The following NUMA1 variants were observed in gnomAD, a reference collection of about 807,000 sequenced individuals.
NUMA1 encodes the protein nuclear mitotic apparatus protein 1.
A neutral mutation model predicts 237.1 loss-of-function variants in NUMA1; 62 were observed. That is an observed-to-expected ratio of 0.26 (90% CI 0.21 to 0.32). NUMA1 has a LOEUF of 0.32. Among genes scored for constraint, NUMA1 ranks in the 10% least tolerant of loss-of-function variants. NUMA1 has a pLI of 1.00. For synonymous variants in NUMA1, 1,028 were observed against 1,066.1 expected (o/e 0.96, Z 0.70); for missense variants, 2,533 against 2,666.5 (o/e 0.95, Z 1.10).
rs1955395971 is a variant in NUMA1, at chr11:72,003,413, T to A, written c.*114A>T. On this transcript the variant is annotated 3_prime_UTR_variant, in exon 27 of 27. Coordinates refer to ENST00000393695, the MANE Select transcript of NUMA1 (RefSeq NM_006185.4). ...GGCAGGCATCACTGTCTCTAGGGGT[T>A]TGGCTACTGTTGGCCTGGGAGCTGA... is the stretch of plus-strand genomic sequence containing the variant. The A allele has an allele frequency of 2.0e-6, 2 of 1,025,166 alleles. No homozygotes were observed. The highest frequency in any genetic ancestry group is 3.1e-5 in the African/African-American group (2 of 64,050). 63.5% of individuals were successfully genotyped at this position (1,025,166 alleles called of 1,614,324 possible).
At position 72,014,157 on chromosome 11, in the gene NUMA1, C is replaced by G. The variant is rs747372810; in HGVS notation, c.3346G>C (p.Glu1116Gln). 3.1e-6 allele frequency: 5 copies of G among 1,613,490 alleles called. No homozygotes were observed. The highest frequency in any genetic ancestry group is 3.3e-5 in the Admixed American group (2 of 60,038). ...GAQSEAAGRT[E>Q]PTGPKLEALR... ...GCCTCCAGCTTGGGGCCTGTTGGCT[C>G]TGTCCTGCCAGCAGCCTCAGATTGG... The change falls in exon 15 of 27, where the codon GAG becomes CAG. Residue 1116 changes from glutamate to glutamine, a missense_variant. Around this residue, in one of 3 missense-constraint regions of NUMA1, gnomAD observed 1,414 missense variants for 1,508.1 expected, o/e 0.94. Transcript: ENST00000393695. This position sits in a 1 kb window ranked among gnomAD's most constrained non-coding sequence, Gnocchi z 4.6.
rs372737120 is a variant in NUMA1 at position 72,007,460 on chromosome 11, T to C, written c.5217-25A>G. 7 of 1,611,346 alleles carry C rather than the reference T, an allele frequency of 4.3e-6. No homozygotes were observed. The African/African-American group carries it at 9.4e-5, about 22-fold the overall frequency. On this transcript the variant is annotated intron_variant, in intron 20 of 26. Transcript: ENST00000393695. Reference sequence around the variant, plus strand: ...GCTATGGAAAGGAAACCTGCTGAGGTACAGTCCTTCACGCTAGAAGGCATT... The same window carrying C: ...GCTATGGAAAGGAAACCTGCTGAGGCACAGTCCTTCACGCTAGAAGGCATT...
At chr11:72,033,831 G>T (rs1306280514) in intron 3 of NUMA1, among the ~76,000 whole-genome samples, 2 of 152,074 alleles carry the variant, frequency 1.3e-5, no homozygotes, top group African/African-American at 2.4e-5. Context: ...GACCAGCCTG[G>T]GAAACATGGC....
intron 1 of NUMA1, among the ~76,000 whole-genome samples, chr11:72,071,974 G>C (rs747640719): frequency 2.6e-5 from 4 of 152,110 alleles, no homozygotes; most frequent in Non-Finnish European, 4.4e-5. Flanking sequence ...TTAGGTATCT[G>C]CTCACTACCT....
chr11:72,009,735 C>G (rs5019603), intron 17 of NUMA1, among the ~76,000 whole-genome samples: 141,042 of 152,148 alleles, frequency 0.93, 65,620 homozygotes, highest in Non-Finnish European at 0.98. Context: ...GAGCCTTACT[C>G]TAAGGCACTT....
rs1316976360 is a variant in NUMA1 at position 72,015,326 on chromosome 11, G to A, written c.2177C>T (p.Ala726Val). The A allele has an allele frequency of 3.7e-6, 6 of 1,613,394 alleles. No homozygotes were observed. Among genetic ancestry groups the A allele is most frequent in the Non-Finnish European group, 5.1e-6 (6 of 1,180,046 alleles). Residue 726 changes from alanine (A) to valine (V), a missense_variant, in exon 15 of 27, where the codon GCA becomes GTA. Ala to Val is a moderately conservative substitution (Grantham distance 64, BLOSUM62 0). Transcript: ENST00000393695. The surrounding 1 kb of genome is among the most constrained non-coding windows in gnomAD (Gnocchi z 4.0). ...GSLEEEKRRA[A>V]DALEEQQRCI... ...ACGCTGCTGCTCTTCCAGGGCATCTGCAGCCCTGCGCTTCTCCTCTTCAAG... is the reference window on the plus strand; with the variant it reads ...ACGCTGCTGCTCTTCCAGGGCATCTACAGCCCTGCGCTTCTCCTCTTCAAG...
intron 1 of NUMA1, among the ~76,000 whole-genome samples, chr11:72,075,993 T>A (rs1393957263): frequency 6.6e-6 from 1 of 152,092 alleles, no homozygotes; most frequent in East Asian, 1.9e-4. Flanking sequence ...CTCAGTAAGA[T>A]AATAGACTAG....
intron 3 of NUMA1, among the ~76,000 whole-genome samples, chr11:72,034,596 T>C (rs1234803864): frequency 6.6e-6 from 1 of 151,842 alleles, no homozygotes; most frequent in Non-Finnish European, 1.5e-5. Context: ...TAATCCCAGC[T>C]ACTCGGGAGG....
rs772391046 is a variant in NUMA1 at position 72,014,036 on chromosome 11, G to A, written c.3467C>T (p.Ser1156Phe). 1 of 1,611,196 alleles carries A rather than the reference G, an allele frequency of 6.2e-7. No individual in the cohort carries two copies. Among genetic ancestry groups the A allele is most frequent in the East Asian group, 2.2e-5 (1 of 44,830 alleles). Residue 1156 changes from serine to phenylalanine, a missense_variant, in exon 15 of 27, where the codon TCC becomes TTC. By Grantham distance (155) the Ser-to-Phe change is radical. Coordinates refer to ENST00000393695, the MANE Select transcript of NUMA1 (RefSeq NM_006185.4). This position sits in a 1 kb window ranked among gnomAD's most constrained non-coding sequence, Gnocchi z 4.6. ...CAGAGCACTGTCCCGCTCAGCCCGG[G>A]AGGCCCGCTCAGCCTCGAGGCTGCG... ...LERSLEAERA[S>F]RAERDSALET...
intron 1 of NUMA1, 88 bp downstream of exon 1, chr11:72,080,370 C>T (rs1944063206): frequency 6.6e-6 from 1 of 151,148 alleles, no homozygotes; most frequent in Non-Finnish European, 1.5e-5. Context: ...GCCTTCCGCT[C>T]GCAGCGGCCT....
At chr11:72,075,261 C>T (rs1389152413) in intron 1 of NUMA1, among the ~76,000 whole-genome samples, 1 of 152,134 alleles carries the variant, frequency 6.6e-6, no homozygotes. Context: ...CCACTAAACC[C>T]CATTTCACAT....
intron 21 of NUMA1, among the ~76,000 whole-genome samples, chr11:72,006,752 C>A (rs1222881542): frequency 1.3e-5 from 2 of 152,182 alleles, no homozygotes; most frequent in African/African-American, 2.4e-5. Flanking sequence ...ACAGGTCCCC[C>A]CTGCTGTACC....
In NUMA1 at chr11:72,014,131, T is replaced by C; in HGVS notation, c.3372A>G (p.Ala1124=). The C allele has an allele frequency of 6.2e-7, 1 of 1,612,690 alleles. No homozygotes were observed. Among genetic ancestry groups the C allele is most frequent in the Non-Finnish European group, 8.5e-7 (1 of 1,180,028 alleles). ...CCAGCTTGCTCACCTCTGCCCGCAG[T>C]GCCTCCAGCTTGGGGCCTGTTGGCT... ...RTEPTGPKLE[A]LRAEVSKLEQ... Residue 1124 remains alanine, a synonymous_variant, in exon 15 of 27, where the codon GCA becomes GCG. Transcript: ENST00000393695. This position sits in a 1 kb window ranked among gnomAD's most constrained non-coding sequence, Gnocchi z 4.6.
In NUMA1 at chr11:72,015,391, G is replaced by A. The variant is rs941970200; in HGVS notation, c.2112C>T (p.Leu704=). ...AQEKDQLQEQ[L]QALKESLKVT... is the part of the protein sequence containing the mutation. ...CCTTCAAGGACTCTTTGAGGGCCTGGAGCTGCTCCTGGAGCTGGTCCTTCT... is the reference window on the plus strand; with the variant it reads ...CCTTCAAGGACTCTTTGAGGGCCTGAAGCTGCTCCTGGAGCTGGTCCTTCT... Residue 704 remains leucine (L), a synonymous_variant, in exon 15 of 27, where the codon CTC becomes CTT. Coordinates refer to ENST00000393695, the MANE Select transcript of NUMA1 (RefSeq NM_006185.4). This position sits in a 1 kb window ranked among gnomAD's most constrained non-coding sequence, Gnocchi z 4.0. 6.2e-7 allele frequency: 1 copy of A among 1,612,142 alleles called. No individual in the cohort carries two copies. Among genetic ancestry groups the A allele is most frequent in the Non-Finnish European group, 8.5e-7 (1 of 1,180,008 alleles).
At chr11:72,037,147 G>T (rs1057413341) in intron 2 of NUMA1, among the ~76,000 whole-genome samples, 28 of 152,174 alleles carry the variant, frequency 1.8e-4, no homozygotes, top group Middle Eastern at 3.4e-3. Context: ...ATTATCTCTT[G>T]GTCCTTCCTA....
chr11:72,045,145 A>G (rs1941924035), intron 2 of NUMA1, among the ~76,000 whole-genome samples: 1 of 151,904 alleles, frequency 6.6e-6, no homozygotes, highest in Non-Finnish European at 1.5e-5. Context: ...CACCTAGCAC[A>G]CTAGGGCTCC....
chr11:72,022,404 A>C lies in NUMA1; in HGVS notation c.307T>G (p.Leu103Val). The change falls in exon 7 of 27, where the codon TTA (leucine) becomes GTA (valine). Residue 103 changes from leucine to valine, a missense_variant. This residue lies in a region of NUMA1 where 1,414 missense variants were observed against 1,508.1 expected (regional missense o/e 0.94). Transcript: ENST00000393695. ...TTGGAGCTCATGGTAGAGTGGTATA[A>C]GAGCAGCATGGTCATCTAGAAGCCA... Reference protein sequence around the residue: ...LELAKMTMLLLYHSTMSSKSP... With the variant: ...LELAKMTMLLVYHSTMSSKSP... 6.2e-7 allele frequency: 1 copy of C among 1,613,296 alleles called. No individual in the cohort carries two copies. Among genetic ancestry groups the C allele is most frequent in the African/African-American group, 1.3e-5 (1 of 74,978 alleles).
chr11:72,007,202 ATGT>A lies in NUMA1; in HGVS notation c.5447_5449del (p.Asn1816del), dbSNP rs1159685453. ...CAGCAGCCTGACCTTGGTCATGGTG[ATGT>A]TGATGATCTGCGTGGTGCGCCGACG... On this transcript the variant is annotated inframe_deletion, in exon 21 of 27. Transcript: ENST00000393695. The A allele has an allele frequency of 1.9e-6, 3 of 1,609,540 alleles. No individual in the cohort carries two copies. The highest frequency in any genetic ancestry group is 1.3e-5 in the African/African-American group (1 of 74,892).
chr11:72,031,016 G>A (rs1409032171), intron 3 of NUMA1, among the ~76,000 whole-genome samples: 1 of 152,188 alleles, frequency 6.6e-6, no homozygotes, highest in Non-Finnish European at 1.5e-5. Flanking sequence ...TAGGCCAGGT[G>A]CAGTGGCTCA....
Sources: allele counts gnomAD v4.1 joint callset (sites outside exome capture counted in the v4.1 genomes callset), GRCh38; gene constraint gnomAD v4.1.1; regional missense constraint gnomAD v4.1.1; non-coding constraint Gnocchi (gnomAD v3.1); transcripts MANE v1.5; gene names NCBI Gene and HGNC (gene_info 2026-07-23, HGNC 2026-07-21).